TMTC2: variants seen among roughly 807,000 people sequenced by gnomAD.
TMTC2 encodes protein O-mannosyl-transferase TMTC2.
Under a neutral mutation model 82.4 loss-of-function variants are expected in TMTC2, and 43 were observed. The ratio of observed to expected loss-of-function variants is 0.52; its 90% CI spans 0.41 to 0.67. The LOEUF (loss-of-function observed/expected upper bound fraction) is 0.67, where lower values mean the gene tolerates loss of function less well. Among genes scored for constraint, TMTC2 ranks in the 30% least tolerant of loss-of-function variants. The probability of loss-of-function intolerance (pLI) is 0.00; values close to 1 mark genes in which losing one functional copy is unlikely to be tolerated. For missense variants in TMTC2, 919 were observed against 1,012.4 expected, an observed-to-expected ratio of 0.91 and a Z score of 1.25; for synonymous variants, 408 against 381.9, an observed-to-expected ratio of 1.07 and a Z score of -0.80.
chr12:83,084,438 C>T (rs1403391802), intron 11 of TMTC2, among the ~76,000 whole-genome samples: 2 of 151,962 alleles, frequency 1.3e-5, no homozygotes, highest in Admixed American at 6.6e-5. Flanking sequence ...ACTTGCCAGT[C>T]GTTTTCAAAG....
Position 83,097,711 on chromosome 12 carries a change from A to T in TMTC2, c.2332-34499A>T, listed in dbSNP as rs1884079058. On this transcript the variant is annotated intron_variant, in intron 11 of 11. Coordinates refer to ENST00000321196, the MANE Select transcript of TMTC2 (RefSeq NM_152588.3). Reference sequence around the variant, plus strand: ...GAAAATAAAACGTAAAGAGGGAGGCATACTTTACAATGTATAATCACTCTT... The same window carrying T: ...GAAAATAAAACGTAAAGAGGGAGGCTTACTTTACAATGTATAATCACTCTT... Among the ~76,000 whole-genome samples the T allele has an allele frequency of 2.6e-5, 4 of 152,260 alleles. No homozygotes were observed. In the South Asian group the frequency reaches 8.3e-4, roughly 31 times the overall value.
chr12:82,979,142 C>G (rs1216113770), intron 7 of TMTC2, among the ~76,000 whole-genome samples: 5 of 151,250 alleles, frequency 3.3e-5, no homozygotes, highest in Non-Finnish European at 5.9e-5. Flanking sequence ...TATTTAGCCA[C>G]TCAATGTTTT....
intron 8 of TMTC2, among the ~76,000 whole-genome samples, chr12:83,019,253 T>G (rs1366378632): frequency 2.0e-5 from 3 of 152,208 alleles, no homozygotes; most frequent in Non-Finnish European, 4.4e-5. Context: ...CCTCTCCTTC[T>G]GCTGACACTG....
At chr12:82,710,994 G>T (rs993615915) in intron 1 of TMTC2, among the ~76,000 whole-genome samples, 3 of 152,174 alleles carry the variant, frequency 2.0e-5, no homozygotes, top group African/African-American at 7.2e-5. Context: ...CAGATATTAT[G>T]TATTTTGGTT....
At chr12:82,800,602 T>A (rs1878943426) in intron 1 of TMTC2, among the ~76,000 whole-genome samples, 1 of 152,300 alleles carries the variant, frequency 6.6e-6, no homozygotes, top group African/African-American at 2.4e-5. Context: ...CCTGAAGTAG[T>A]AAATGCTATT....
intron 8 of TMTC2, among the ~76,000 whole-genome samples, chr12:82,995,006 G>A (rs1192063103): frequency 1.3e-5 from 2 of 149,488 alleles, no homozygotes; most frequent in Non-Finnish European, 2.9e-5. Flanking sequence ...TGACTTCATA[G>A]CTTCCAGCTT....
chr12:83,057,928 A>C (rs1395564812), intron 10 of TMTC2, among the ~76,000 whole-genome samples: 1 of 151,886 alleles, frequency 6.6e-6, no homozygotes, highest in Non-Finnish European at 1.5e-5. Flanking sequence ...TAAATTTAGC[A>C]GTTTTATAAT....
intron 1 of TMTC2, among the ~76,000 whole-genome samples, chr12:82,748,039 G>A (rs1051982934): frequency 6.6e-6 from 1 of 152,180 alleles, no homozygotes; most frequent in South Asian, 2.1e-4. Flanking sequence ...GGCCAGACGC[G>A]GTGGCTCACG....
chr12:83,073,178 T>C (rs1592729785), intron 11 of TMTC2, among the ~76,000 whole-genome samples: 1 of 152,180 alleles, frequency 6.6e-6, no homozygotes, highest in African/African-American at 2.4e-5. Context: ...TAGTGGTAGG[T>C]TGGTAATGTG....
chr12:82,969,588 T>G (rs76086949), intron 7 of TMTC2, among the ~76,000 whole-genome samples: 11,744 of 152,272 alleles, frequency 0.077, 519 homozygotes, highest in Middle Eastern at 0.11. Flanking sequence ...AAAAACATGC[T>G]ATATACCTTA....
At chr12:82,921,983 T>G (rs1592629503) in intron 3 of TMTC2, among the ~76,000 whole-genome samples, 1 of 150,406 alleles carries the variant, frequency 6.6e-6, no homozygotes, top group Non-Finnish European at 1.5e-5. Flanking sequence ...GGTGCACATT[T>G]GTAGTCTCAG....
rs80083700 is a variant in TMTC2 at position 82,740,902 on chromosome 12, A to G, written c.83+53233A>G. ...GTATTTCTCAGGTTAGAGACGCCAG[A>G]AAAAGGTGTCTTCCAAACTCGAGCA... On this transcript the variant is annotated intron_variant, in intron 1 of 11. Transcript: ENST00000321196. 8.5e-5 allele frequency among the ~76,000 whole-genome samples: 13 copies of G among 152,346 alleles called. No homozygotes were observed. The East Asian group carries it at 2.3e-3, about 27-fold the overall frequency.
chr12:82,895,761 G>T, intron 2 of TMTC2, 57 bp from the exon 3 acceptor site: 1 of 1,440,778 alleles, frequency 6.9e-7, no homozygotes, highest in Non-Finnish European at 9.4e-7. Flanking sequence ...AGTGTTAAGT[G>T]TTCCCATGCT....
At chr12:82,774,245 G>A (rs1420594885) in intron 1 of TMTC2, among the ~76,000 whole-genome samples, 1 of 152,110 alleles carries the variant, frequency 6.6e-6, no homozygotes, top group African/African-American at 2.4e-5. Flanking sequence ...GTGTATGTGT[G>A]TGTATATGTG....
chr12:82,857,596 C>A lies in TMTC2; in HGVS notation c.654+16C>A. On this transcript the variant is annotated intron_variant, in intron 2 of 11. Transcript: ENST00000321196. ...CATTTACAAAGTAAGTGATTGTTGGCTCTTGAGCATTGGATTACTGAGTAA... is the reference window on the plus strand; with the variant it reads ...CATTTACAAAGTAAGTGATTGTTGGATCTTGAGCATTGGATTACTGAGTAA... 6.3e-7 allele frequency: 1 copy of A among 1,579,518 alleles called. No individual in the cohort carries two copies. The highest frequency in any genetic ancestry group is 8.6e-7 in the Non-Finnish European group (1 of 1,161,974).
At chr12:82,725,335 C>T (rs1047569595) in intron 1 of TMTC2, among the ~76,000 whole-genome samples, 1 of 152,012 alleles carries the variant, frequency 6.6e-6, no homozygotes. Flanking sequence ...CTTCTAATGC[C>T]TAAAGGAGTT....
intron 11 of TMTC2, among the ~76,000 whole-genome samples, chr12:83,115,740 A>G (rs1884733791): frequency 6.6e-6 from 1 of 152,062 alleles, no homozygotes; most frequent in Admixed American, 6.5e-5. Flanking sequence ...ATACTGGTGC[A>G]ACCATCACCC....
chr12:82,780,875 G>A (rs1271475188), intron 1 of TMTC2, among the ~76,000 whole-genome samples: 1 of 151,792 alleles, frequency 6.6e-6, no homozygotes. Context: ...TAGTTGCAGT[G>A]TGGTGTGGAA....
intron 8 of TMTC2, among the ~76,000 whole-genome samples, chr12:83,003,545 C>T (rs756216837): frequency 1.1e-4 from 16 of 152,104 alleles, no homozygotes; most frequent in Non-Finnish European, 2.1e-4. Flanking sequence ...TTTATGGCAA[C>T]AGGTATTGTT....
Sources: allele counts gnomAD v4.1 joint callset (sites outside exome capture counted in the v4.1 genomes callset), GRCh38; gene constraint gnomAD v4.1.1; transcripts MANE v1.5; gene names NCBI Gene and HGNC (gene_info 2026-07-23, HGNC 2026-07-21).